ADAM10: variants seen among roughly 807,000 people sequenced by gnomAD.
ADAM10 encodes the protein ADAM metallopeptidase domain 10.
ADAM10 carries 17 observed loss-of-function variants against 90.1 expected under a neutral mutation model. The observed-to-expected ratio is 0.19, with a 90% CI of 0.13 to 0.28. ADAM10 has a LOEUF of 0.28. ADAM10 is among the 10% of genes least tolerant of loss of function. The probability of loss-of-function intolerance (pLI) is 1.00; values close to 1 mark genes in which losing one functional copy is unlikely to be tolerated. For synonymous variants in ADAM10, 310 were observed against 298.6 expected (o/e 1.04, Z -0.40); for missense variants, 610 against 914.3 (o/e 0.67, Z 4.29).
At chr15:58,721,609 A>T (rs1898856119) in intron 1 of ADAM10, among the ~76,000 whole-genome samples, 1 of 152,230 alleles carries the variant, frequency 6.6e-6, no homozygotes, top group South Asian at 2.1e-4. Context: ...ATCAGGTCAG[A>T]TGCAGTAGCT....
rs1895056526 is a variant in ADAM10, at chr15:58,599,688, G to C, written c.2062C>G (p.Leu688Val). The part of the protein sequence containing the change: ...WWAVLLMGIA[L>V]IMLMAGFIKI... ...ATAAATCCAGCCATTAGCATGATCA[G>C]AGCAATTCCCATAAGTAATACTGCC... is the stretch of plus-strand genomic sequence containing the variant. Residue 688 changes from leucine (L) to valine (V), a missense_variant, in exon 15 of 16, where the codon CTG becomes GTG. Around this residue, in one of 4 missense-constraint regions of ADAM10, gnomAD observed 150 missense variants for 268.5 expected, o/e 0.56. Coordinates refer to ENST00000260408, the MANE Select transcript of ADAM10 (RefSeq NM_001110.4). The C allele has an allele frequency of 1.2e-6, 2 of 1,612,658 alleles. No individual in the cohort carries two copies. The highest frequency in any genetic ancestry group is 1.7e-6 in the Non-Finnish European group (2 of 1,179,624).
intron 4 of ADAM10, among the ~76,000 whole-genome samples, chr15:58,673,396 A>G (rs1596053906): frequency 1.3e-5 from 2 of 151,948 alleles, no homozygotes; most frequent in East Asian, 1.9e-4. Context: ...GCCAAAAAAA[A>G]AAAAAAAAGC....
At chr15:58,748,892 C>T in intron 1 of ADAM10, 1 of 399,188 alleles carries the variant, frequency 2.5e-6, no homozygotes, top group Non-Finnish European at 4.4e-6. Flanking sequence ...ACGGGCGGCC[C>T]CTCTGCAGAA....
chr15:58,692,081 C>T (rs758713852), intron 2 of ADAM10: 18 of 477,700 alleles, frequency 3.8e-5, no homozygotes, highest in South Asian at 2.1e-4. Context: ...AACCATACCA[C>T]GGACAAAGCC....
intron 5 of ADAM10, among the ~76,000 whole-genome samples, chr15:58,655,687 T>TATAGTATA (rs57182110): frequency 1.9e-4 from 15 of 80,292 alleles, no homozygotes; most frequent in East Asian, 1.6e-3. Flanking sequence ...CATATATATA[T>TATAGTATA]TATATATAGT....
intron 11 of ADAM10, among the ~76,000 whole-genome samples, chr15:58,616,139 A>G (rs1341502201): frequency 6.6e-6 from 1 of 152,194 alleles, no homozygotes; most frequent in Admixed American, 6.5e-5. Flanking sequence ...TAAAGCAAAT[A>G]CTATTAGATC....
Position 58,599,590 on chromosome 15 carries a change from A to G in ADAM10, c.2152+8T>C. 2 of 1,613,058 alleles carry G rather than the reference A, an allele frequency of 1.2e-6. No homozygotes were observed. Among genetic ancestry groups the G allele is most frequent in the South Asian group, 1.1e-5 (1 of 91,070 alleles). On this transcript the variant is annotated splice_region_variant and intron_variant, in intron 15 of 15. Coordinates refer to ENST00000260408, the MANE Select transcript of ADAM10 (RefSeq NM_001110.4). ...ACATAAATATGTATCTTGCTCAAAT[A>G]TTCTTACCTGGAAGTGGTTTAGGAG...
At chr15:58,701,158 T>G (rs949146052) in intron 2 of ADAM10, among the ~76,000 whole-genome samples, 4 of 143,294 alleles carry the variant, frequency 2.8e-5, no homozygotes, top group African/African-American at 1.0e-4. Context: ...AAAACAGAAA[T>G]AGCCTGTTGA....
At chr15:58,711,617 A>G (rs1256651045) in intron 2 of ADAM10, among the ~76,000 whole-genome samples, 1 of 152,048 alleles carries the variant, frequency 6.6e-6, no homozygotes, top group Non-Finnish European at 1.5e-5. Flanking sequence ...TAAGCTACCA[A>G]CTCTATCAAA....
rs1279964531 is a variant in ADAM10 at position 58,597,172 on chromosome 15, G to GA, written c.*374dup. 3.0e-5 allele frequency: 16 copies of GA among 537,944 alleles called. No homozygotes were observed. The East Asian group carries it at 5.8e-4, about 19-fold the overall frequency. The allele number at this position is 537,944 out of a possible 1,614,324, so 33.3% of individuals were successfully genotyped here. On this transcript the variant is annotated 3_prime_UTR_variant, in exon 16 of 16. Transcript: ENST00000260408. ...AGCCTCCTAGCCTTGATTGGCAGTTGAAAAAAATATATTTATTTCAATTTG... is the reference window on the plus strand; with the variant it reads ...AGCCTCCTAGCCTTGATTGGCAGTTGAAAAAAAATATATTTATTTCAATTTG...
intron 1 of ADAM10, among the ~76,000 whole-genome samples, chr15:58,743,958 T>C (rs1899702824): frequency 6.6e-6 from 1 of 152,228 alleles, no homozygotes. Context: ...ATATTACAGT[T>C]GGACATTTTA....
At chr15:58,604,675 C>A (rs1439798222) in intron 14 of ADAM10, among the ~76,000 whole-genome samples, 3 of 152,136 alleles carry the variant, frequency 2.0e-5, no homozygotes, top group Non-Finnish European at 4.4e-5. Context: ...GTGACAAGGC[C>A]GTTACAACAG....
At chr15:58,651,922 C>G (rs2140706384) in intron 5 of ADAM10, among the ~76,000 whole-genome samples, 1 of 152,300 alleles carries the variant, frequency 6.6e-6, no homozygotes, top group South Asian at 2.1e-4. Context: ...TATTGCCTGT[C>G]TTTTGGATAA....
intron 10 of ADAM10, 87 bp from the exon 11 acceptor site, chr15:58,621,708 A>C (rs1475777429): frequency 6.6e-7 from 1 of 1,505,586 alleles, no homozygotes; most frequent in South Asian, 1.1e-5. Flanking sequence ...TCATCATAAC[A>C]AAGGGATAAA....
chr15:58,621,767 G>T, intron 10 of ADAM10, 146 bp from the exon 11 acceptor site: 1 of 1,023,918 alleles, frequency 9.8e-7, no homozygotes. Flanking sequence ...TGGAAATTAC[G>T]AGACCTAATT....
At chr15:58,627,356 T>C (rs145975328) in intron 10 of ADAM10, among the ~76,000 whole-genome samples, 1 of 152,110 alleles carries the variant, frequency 6.6e-6, no homozygotes, top group Non-Finnish European at 1.5e-5. Context: ...CAAAGGTAAA[T>C]GCATCTGTCA....
chr15:58,694,989 C>T (rs1411144158), intron 2 of ADAM10, among the ~76,000 whole-genome samples: 1 of 152,028 alleles, frequency 6.6e-6, no homozygotes, highest in Non-Finnish European at 1.5e-5. Flanking sequence ...TATACATTTG[C>T]CAAAATGCAC....
At chr15:58,624,714 G>C (rs1329736566) in intron 10 of ADAM10, among the ~76,000 whole-genome samples, 3 of 152,070 alleles carry the variant, frequency 2.0e-5, no homozygotes, top group Admixed American at 2.0e-4. Context: ...TTAATTTTTT[G>C]TAGAGACAGG....
chr15:58,646,326 G>A (rs1234430235), intron 5 of ADAM10, 122 bp from the exon 6 acceptor site: 12 of 1,023,032 alleles, frequency 1.2e-5, no homozygotes, highest in South Asian at 2.9e-5. Flanking sequence ...AGGTATTTCT[G>A]CTGCCATTAA....
Sources: gnomAD v4.1 joint callset for allele counts (sites outside exome capture counted in the v4.1 genomes callset) on GRCh38, gnomAD v4.1.1 for gene constraint, gnomAD v4.1.1 regional missense constraint, MANE v1.5 for transcripts, NCBI Gene and HGNC (gene_info 2026-07-23, HGNC 2026-07-21) for gene names.